The following ZNF69 variants were observed in gnomAD, a reference collection of about 807,000 sequenced individuals.
ZNF69 encodes zinc finger protein 69.
A neutral mutation model predicts 50.9 loss-of-function variants in ZNF69; 47 were observed. That is an observed-to-expected ratio of 0.92 (90% CI 0.73 to 1.18). ZNF69 has a LOEUF of 1.18. Among genes scored for constraint, ZNF69 ranks in the 50% most tolerant of loss-of-function variants. ZNF69 has a pLI of 0.00. For missense variants in ZNF69, 717 were observed against 675.1 expected, an observed-to-expected ratio of 1.06 and a Z score of -0.69; for synonymous variants, 216 against 223.1, an observed-to-expected ratio of 0.97 and a Z score of 0.29.
the ZNF69 span, among the ~76,000 whole-genome samples, chr19:11,932,698 C>T: frequency 2.2e-5 from 3 of 137,104 alleles, no homozygotes; most frequent in African/African-American, 9.2e-5. Flanking sequence ...AGTGCAGTGG[C>T]GTGATCTCGG....
the ZNF69 span, among the ~76,000 whole-genome samples, chr19:11,972,939 AT>A: frequency 6.6e-6 from 1 of 151,758 alleles, no homozygotes; most frequent in African/African-American, 2.4e-5. Flanking sequence ...AAAAAAAAAA[AT>A]CATTTTAAAC....
At chr19:11,911,687 G>A (rs551840499), downstream of ZNF69, among the ~76,000 whole-genome samples, 16 of 152,206 alleles carry the variant, frequency 1.1e-4, no homozygotes, top group African/African-American at 3.9e-4. Context: ...TAGGGGGAGG[G>A]GAGAGATAGC....
At chr19:11,977,082 G>A in the ZNF69 span, 2 of 1,614,162 alleles carry the variant, frequency 1.2e-6, no homozygotes, top group South Asian at 1.1e-5. Flanking sequence ...TCACCCAGGA[G>A]GAGTGGGCTT....
the ZNF69 span, among the ~76,000 whole-genome samples, chr19:11,951,942 A>G: frequency 6.6e-6 from 1 of 152,226 alleles, no homozygotes; most frequent in Non-Finnish European, 1.5e-5. Flanking sequence ...TGGGAGGCTG[A>G]GGCAGGCGGA....
the ZNF69 span, chr19:11,979,839 T>TTCGAA: frequency 6.5e-7 from 1 of 1,541,916 alleles, no homozygotes; most frequent in Non-Finnish European, 8.9e-7. Flanking sequence ...GCCAAGAACC[T>TTCGAA]TCGAATTCAT....
chr19:11,951,290 G>A, the ZNF69 span, among the ~76,000 whole-genome samples: 3 of 146,610 alleles, frequency 2.0e-5, no homozygotes, highest in East Asian at 4.0e-4. Context: ...GTGCAGTGGC[G>A]CAGTCTCAGC....
At chr19:11,949,936 C>T in the ZNF69 span, 1 of 1,614,120 alleles carries the variant, frequency 6.2e-7, no homozygotes, top group African/African-American at 1.3e-5. Context: ...CCTTCAGATG[C>T]ATGAAAGGAC....
chr19:11,955,819 G>A, the ZNF69 span, among the ~76,000 whole-genome samples: 5 of 152,116 alleles, frequency 3.3e-5, no homozygotes, highest in African/African-American at 1.2e-4. Flanking sequence ...GTTATCTGTG[G>A]GGTAAGACCT....
At position 11,904,724 on chromosome 19, in the gene ZNF69, T is replaced by C. The variant is rs1459573038; in HGVS notation, c.327T>C (p.Asp109=). The C allele has an allele frequency of 1.9e-6, 3 of 1,613,880 alleles. No individual in the cohort carries two copies. The highest frequency in any genetic ancestry group is 2.2e-5 in the East Asian group (1 of 44,896). ...HCGETFTQVP[D]DRLNFQEKKA... ...GAGAAACTTTTACCCAGGTTCCAGA[T>C]GACAGGCTGAACTTCCAGGAGAAGA... Residue 109 remains aspartate, a synonymous_variant, in exon 4 of 4, where the codon GAT becomes GAC. Coordinates refer to ENST00000429654, the MANE Select transcript of ZNF69 (RefSeq NM_001364730.1).
At chr19:11,955,114 C>T in the ZNF69 span, among the ~76,000 whole-genome samples, 2 of 148,474 alleles carry the variant, frequency 1.3e-5, no homozygotes, top group South Asian at 2.1e-4. Context: ...AAGTGATTCT[C>T]CTGCCTCAGC....
chr19:11,968,207 C>T, the ZNF69 span, among the ~76,000 whole-genome samples: 1 of 152,210 alleles, frequency 6.6e-6, no homozygotes, highest in East Asian at 1.9e-4. Context: ...ATAAATGTAA[C>T]AGGATTACAT....
chr19:11,932,133 A>G, the ZNF69 span, among the ~76,000 whole-genome samples: 1 of 147,776 alleles, frequency 6.8e-6, no homozygotes, highest in African/African-American at 2.7e-5. Context: ...CAAAAAAAAA[A>G]AAAGAAAGAA....
the ZNF69 span, among the ~76,000 whole-genome samples, chr19:11,925,430 G>A: frequency 6.6e-6 from 1 of 152,302 alleles, no homozygotes; most frequent in African/African-American, 2.4e-5. Flanking sequence ...CTTGGCCGCT[G>A]GACGGGGCTG....
the ZNF69 span, among the ~76,000 whole-genome samples, chr19:11,951,150 C>CAAAA: frequency 3.1e-5 from 2 of 65,056 alleles, no homozygotes; most frequent in Admixed American, 1.9e-4. Flanking sequence ...ACTCCATCTC[C>CAAAA]AAAAAAAAAA....
At chr19:11,917,146 G>T (rs1343166755), downstream of ZNF69, among the ~76,000 whole-genome samples, 1 of 152,196 alleles carries the variant, frequency 6.6e-6, no homozygotes, top group Non-Finnish European at 1.5e-5. Context: ...GGTGAGCCAG[G>T]AACTCATGGA....
In ZNF69 at chr19:11,905,256, A is replaced by G; in HGVS notation, c.859A>G (p.Ser287Gly). The G allele has an allele frequency of 6.2e-7, 1 of 1,613,912 alleles. No homozygotes were observed. The highest frequency in any genetic ancestry group is 8.5e-7 in the Non-Finnish European group (1 of 1,179,966). Residue 287 changes from serine to glycine, a missense_variant, in exon 4 of 4, where the codon AGT becomes GGT. By Grantham distance (56) the Ser-to-Gly change is moderately conservative (BLOSUM62 0). Coordinates refer to ENST00000429654, the MANE Select transcript of ZNF69 (RefSeq NM_001364730.1). The stretch of plus-strand genomic sequence containing the variant: ...TCAGCAATGTGGGAAAGCATTTCAT[A>G]GTCCCAGATGCTATCGTAGACATGA... ...ECQQCGKAFH[S>G]PRCYRRHERI...
At chr19:11,962,546 A>G in the ZNF69 span, among the ~76,000 whole-genome samples, 2 of 152,102 alleles carry the variant, frequency 1.3e-5, no homozygotes, top group East Asian at 3.9e-4. Context: ...TTTTTTGTAC[A>G]TATGGAGTCT....
the ZNF69 span, among the ~76,000 whole-genome samples, chr19:11,965,625 CAATT>C: frequency 4.6e-5 from 7 of 152,310 alleles, no homozygotes; most frequent in East Asian, 1.9e-4. Context: ...AGTACATTAA[CAATT>C]AAAGAGTTCA....
the ZNF69 span, among the ~76,000 whole-genome samples, chr19:11,935,107 C>T: frequency 2.3e-5 from 3 of 131,696 alleles, no homozygotes; most frequent in East Asian, 4.6e-4. Flanking sequence ...ACCCGGGAGG[C>T]GGAGCTTGCA....
Sources: allele counts gnomAD v4.1 joint callset (sites outside exome capture counted in the v4.1 genomes callset), GRCh38; gene constraint gnomAD v4.1.1; transcripts MANE v1.5; gene names NCBI Gene and HGNC (gene_info 2026-07-23, HGNC 2026-07-21).